Variants in CGGBP1 observed in about 807,000 individuals in gnomAD.
CGGBP1 encodes CGG triplet repeat binding protein 1.
Under a neutral mutation model 11.4 loss-of-function variants are expected in CGGBP1, and 4 were observed. The observed-to-expected ratio is 0.35, with a 90% CI of 0.17 to 0.80. CGGBP1 has a LOEUF of 0.80. CGGBP1 is among the 30% of genes least tolerant of loss of function. CGGBP1 has a pLI of 0.52. For synonymous variants in CGGBP1, 76 were observed against 74.1 expected, an observed-to-expected ratio of 1.03 and a Z score of -0.13; for missense variants, 135 against 202.1, an observed-to-expected ratio of 0.67 and a Z score of 2.01.
At chr3:88,068,009 A>AGG (rs1407797062) in intron 2 of CGGBP1, among the ~76,000 whole-genome samples, 2 of 152,122 alleles carry the variant, frequency 1.3e-5, no homozygotes, top group East Asian at 1.9e-4. Context: ...AGACCCCTGA[A>AGG]GGGGAGTAAG....
At chr3:88,105,913 T>C (rs1431952964) in intron 2 of CGGBP1, among the ~76,000 whole-genome samples, 2 of 152,134 alleles carry the variant, frequency 1.3e-5, no homozygotes, top group African/African-American at 4.8e-5. Context: ...CCCTCACAGG[T>C]GGGATTAATG....
At position 88,053,232 on chromosome 3, in the gene CGGBP1, T is replaced by C. The variant is rs746890725; in HGVS notation, c.*2241A>G. On this transcript the variant is annotated 3_prime_UTR_variant, in exon 4 of 4. Transcript: ENST00000482016. ...TTCGAGCAGGCTAAAACAATCATTC[T>C]GCTGTATTTATTTAACTTTAGACAC... The C allele has an allele frequency of 5.3e-5, 8 of 152,166 alleles. No homozygotes were observed. Among genetic ancestry groups the C allele is most frequent in the African/African-American group, 7.2e-5 (3 of 41,458 alleles). The allele number at this position is 152,166 out of a possible 1,614,324, so 9.4% of individuals were successfully genotyped here. A position where few individuals can be genotyped will look rare whatever the true frequency, so the allele number is the denominator to read the frequency against.
chr3:88,123,011 CA>C (rs1289535548), intron 2 of CGGBP1, among the ~76,000 whole-genome samples: 4,822 of 75,986 alleles, frequency 0.063, 190 homozygotes, highest in African/African-American at 0.18. Flanking sequence ...CTCTGAGTCT[CA>C]AAAAAAAAAA....
upstream of CGGBP1, chr3:88,059,543 G>A: frequency 6.9e-7 from 1 of 1,452,102 alleles, no homozygotes; most frequent in Non-Finnish European, 9.0e-7. Flanking sequence ...TGTCACCCGG[G>A]TCCTGGGCCT....
intron 1 of CGGBP1, among the ~76,000 whole-genome samples, chr3:88,145,168 T>C (rs771327775): frequency 5.3e-5 from 8 of 152,124 alleles, no homozygotes; most frequent in Non-Finnish European, 1.0e-4. Flanking sequence ...GTCAGTAAGC[T>C]GTAACCCAAA....
chr3:88,126,417 T>C, intron 2 of CGGBP1: 1 of 974,422 alleles, frequency 1.0e-6, no homozygotes, highest in Non-Finnish European at 1.3e-6. Context: ...GTGTTTGTTT[T>C]TCTAAACTGG....
intron 2 of CGGBP1, among the ~76,000 whole-genome samples, chr3:88,077,320 T>C (rs1439879722): frequency 1.3e-5 from 2 of 151,810 alleles, no homozygotes; most frequent in Non-Finnish European, 2.9e-5. Flanking sequence ...GAGAAAAAGT[T>C]GCAGACTTAA....
At chr3:88,132,883 G>A (rs1262495272) in intron 2 of CGGBP1, among the ~76,000 whole-genome samples, 1 of 152,188 alleles carries the variant, frequency 6.6e-6, no homozygotes, top group African/African-American at 2.4e-5. Flanking sequence ...GTTTGCAAGT[G>A]ATAGCATCTG....
At chr3:88,144,935 G>T (rs1431549939) in intron 1 of CGGBP1, among the ~76,000 whole-genome samples, 2 of 151,948 alleles carry the variant, frequency 1.3e-5, no homozygotes, top group Non-Finnish European at 2.9e-5. Flanking sequence ...GTCACTTCAG[G>T]TAAGTGGGTT....
At chr3:88,068,936 A>G (rs1341105997) in intron 2 of CGGBP1, among the ~76,000 whole-genome samples, 2 of 152,184 alleles carry the variant, frequency 1.3e-5, no homozygotes, top group Admixed American at 1.3e-4. Flanking sequence ...AGGAATAAGC[A>G]TTTGGTATCT....
intron 2 of CGGBP1, among the ~76,000 whole-genome samples, chr3:88,106,771 T>C (rs1165575660): frequency 6.6e-6 from 1 of 152,222 alleles, no homozygotes; most frequent in African/African-American, 2.4e-5. Context: ...TTTCTTATCA[T>C]AGTTAAACAT....
chr3:88,139,193 A>C (rs1706973874), intron 2 of CGGBP1: 4 of 1,450,208 alleles, frequency 2.8e-6, no homozygotes, highest in South Asian at 3.1e-5. Context: ...AGAGCACTGG[A>C]GAGACTGATC....
intron 1 of CGGBP1, among the ~76,000 whole-genome samples, chr3:88,141,445 G>A (rs1331418996): frequency 6.6e-6 from 1 of 151,992 alleles, no homozygotes; most frequent in East Asian, 1.9e-4. Context: ...TAAATCAAGT[G>A]AATCTGTGTC....
chr3:88,103,620 A>G (rs1704559744), intron 2 of CGGBP1, among the ~76,000 whole-genome samples: 1 of 152,208 alleles, frequency 6.6e-6, no homozygotes, highest in Non-Finnish European at 1.5e-5. Context: ...CTAGAACACA[A>G]GTAGGTGAAA....
At chr3:88,059,059 C>A, upstream of CGGBP1, 1 of 624,072 alleles carries the variant, frequency 1.6e-6, no homozygotes, top group Non-Finnish European at 2.6e-6. Context: ...GACCAACAGA[C>A]GGCCGGTTTA....
intron 2 of CGGBP1, among the ~76,000 whole-genome samples, chr3:88,079,554 A>G (rs190987146): frequency 5.9e-5 from 9 of 152,136 alleles, no homozygotes; most frequent in Admixed American, 5.9e-4. Context: ...AGTTAAGTAA[A>G]TTGTCATTTG....
intron 2 of CGGBP1, among the ~76,000 whole-genome samples, chr3:88,067,027 T>A (rs1167606556): frequency 6.6e-6 from 1 of 151,992 alleles, no homozygotes; most frequent in Non-Finnish European, 1.5e-5. Flanking sequence ...ACATTAACAC[T>A]CTCTACTGTC....
intron 2 of CGGBP1, among the ~76,000 whole-genome samples, chr3:88,108,550 C>G (rs1576295109): frequency 6.6e-6 from 1 of 152,150 alleles, no homozygotes; most frequent in East Asian, 1.9e-4. Context: ...GCAAGCTATT[C>G]TGAGTAGCAT....
chr3:88,059,264 A>G (rs1388263665), upstream of CGGBP1: 6 of 1,531,820 alleles, frequency 3.9e-6, no homozygotes, highest in South Asian at 1.2e-5. Flanking sequence ...TAGCCTAGGC[A>G]TCTACGGCGG....
Sources: allele counts gnomAD v4.1 joint callset (sites outside exome capture counted in the v4.1 genomes callset), GRCh38; gene constraint gnomAD v4.1.1; transcripts MANE v1.5; gene names NCBI Gene and HGNC (gene_info 2026-07-23, HGNC 2026-07-21).